Variants in GABRB3 observed in about 807,000 individuals in gnomAD.
GABRB3 encodes the protein gamma-aminobutyric acid receptor subunit beta-3.
Under a neutral mutation model 52.1 loss-of-function variants are expected in GABRB3, and 14 were observed. The observed-to-expected ratio is 0.27, with a 90% CI of 0.18 to 0.42. GABRB3 has a LOEUF of 0.42. Ranked by LOEUF, GABRB3 falls within the 10% of genes least tolerant of loss-of-function variation. The probability of loss-of-function intolerance (pLI) is 1.00; values close to 1 mark genes in which losing one functional copy is unlikely to be tolerated. For missense variants in GABRB3, 307 were observed against 609.1 expected, an observed-to-expected ratio of 0.50 and a Z score of 5.22; for synonymous variants, 260 against 232.3, an observed-to-expected ratio of 1.12 and a Z score of -1.08.
chr15:26,646,354 A>T (rs1887005279), intron 3 of GABRB3, among the ~76,000 whole-genome samples: 1 of 152,172 alleles, frequency 6.6e-6, no homozygotes, highest in African/African-American at 2.4e-5. Context: ...TTAGCATCAT[A>T]CTTTTGAGGT....
rs374000642 is a variant in GABRB3, at chr15:26,747,486, GAAT to G, written c.240+24913_240+24915del. 3.2e-3 allele frequency among the ~76,000 whole-genome samples: 484 copies of G among 152,234 alleles called. 4 individuals are homozygous for G. Among genetic ancestry groups the G allele is most frequent in the African/African-American group, 0.011 (457 of 41,548 alleles). On this transcript the variant is annotated intron_variant, in intron 3 of 8. Transcript: ENST00000311550. ...TACTTCATTTTCTTAGAGTGATTCT[GAAT>G]GTTATGTCTTTATTTTAATCTCAGT...
intron 8 of GABRB3, chr15:26,550,168 A>T (rs979628113): frequency 6.6e-6 from 1 of 152,218 alleles, no homozygotes; most frequent in African/African-American, 2.4e-5. Context: ...CAGGAGAAAA[A>T]GTCAGAGAGA....
intron 7 of GABRB3, among the ~76,000 whole-genome samples, chr15:26,566,573 A>C (rs556268870): frequency 1.2e-3 from 186 of 152,176 alleles, no homozygotes; most frequent in Admixed American, 2.5e-3. Flanking sequence ...AAAAAATTAA[A>C]AAATTAGCCA....
At chr15:26,645,350 G>C (rs911777151) in intron 3 of GABRB3, among the ~76,000 whole-genome samples, 2 of 152,200 alleles carry the variant, frequency 1.3e-5, no homozygotes, top group Admixed American at 6.5e-5. Context: ...CAAAGATAGT[G>C]ACTTGTTAAC....
chr15:26,752,599 T>C (rs943620843), intron 3 of GABRB3, among the ~76,000 whole-genome samples: 1 of 152,104 alleles, frequency 6.6e-6, no homozygotes, highest in Admixed American at 6.5e-5. Context: ...TGTGTATTCT[T>C]AATTTATGAA....
chr15:26,592,928 T>C (rs1455475860), intron 4 of GABRB3, among the ~76,000 whole-genome samples: 5 of 151,982 alleles, frequency 3.3e-5, no homozygotes, highest in Non-Finnish European at 7.4e-5. Flanking sequence ...GGCAGGAGAA[T>C]TGCTTGAACC....
At chr15:26,596,435 T>C (rs917961888) in intron 4 of GABRB3, among the ~76,000 whole-genome samples, 3 of 152,076 alleles carry the variant, frequency 2.0e-5, no homozygotes, top group Admixed American at 6.6e-5. Context: ...GCAGAAAACC[T>C]AGAGACCCAT....
At chr15:26,640,781 G>A (rs771354950) in intron 3 of GABRB3, among the ~76,000 whole-genome samples, 11 of 152,222 alleles carry the variant, frequency 7.2e-5, no homozygotes, top group South Asian at 2.1e-4. Flanking sequence ...TGATTACACA[G>A]CTTAGAGATA....
intron 7 of GABRB3, among the ~76,000 whole-genome samples, chr15:26,563,465 T>C (rs2140685392): frequency 6.6e-6 from 1 of 152,366 alleles, no homozygotes; most frequent in African/African-American, 2.4e-5. Flanking sequence ...TGGGGGATAC[T>C]GTGGATGGTG....
At chr15:26,767,038 C>T (rs1244814830) in intron 3 of GABRB3, 9 of 152,236 alleles carry the variant, frequency 5.9e-5, no homozygotes, top group Non-Finnish European at 1.5e-5. Flanking sequence ...TGTCTTCCAT[C>T]TCTGAAGTTC....
intron 3 of GABRB3, among the ~76,000 whole-genome samples, chr15:26,730,535 A>G (rs916003296): frequency 1.1e-4 from 16 of 152,124 alleles, no homozygotes; most frequent in African/African-American, 3.6e-4. Flanking sequence ...GAGAGAAAGA[A>G]GAGGAGCTGA....
intron 3 of GABRB3, chr15:26,642,287 C>T (rs907870343): frequency 8.4e-5 from 19 of 225,482 alleles, no homozygotes; most frequent in Non-Finnish European, 1.5e-4. Context: ...ATCAACTTTT[C>T]GTGTATGGTA....
At chr15:26,721,310 T>G (rs1042865812) in intron 3 of GABRB3, among the ~76,000 whole-genome samples, 3 of 152,084 alleles carry the variant, frequency 2.0e-5, no homozygotes, top group African/African-American at 4.8e-5. Flanking sequence ...GAAGGGAAAC[T>G]TGCATCTAAG....
chr15:26,554,275 C>T (rs192011390), intron 8 of GABRB3, among the ~76,000 whole-genome samples: 173 of 142,858 alleles, frequency 1.2e-3, no homozygotes, highest in African/African-American at 4.3e-3. Context: ...GTGATCCTCC[C>T]GCCTCCAACT....
rs149460307 is a variant in GABRB3, at chr15:26,749,444, T to C, written c.240+22958A>G. ...AGTTTGTTTAAGACTCATGGTATGG[T>C]TTATCTTCTGAAATGCTCTCTGGGC... On this transcript the variant is annotated intron_variant, in intron 3 of 8. Transcript: ENST00000311550. 5.3e-3 allele frequency among the ~76,000 whole-genome samples: 802 copies of C among 152,332 alleles called. 5 individuals are homozygous for C. Among genetic ancestry groups the C allele is most frequent in the African/African-American group, 0.018 (767 of 41,570 alleles).
At chr15:26,720,776 G>T (rs1889622954) in intron 3 of GABRB3, among the ~76,000 whole-genome samples, 1 of 152,166 alleles carries the variant, frequency 6.6e-6, no homozygotes, top group African/African-American at 2.4e-5. Context: ...AGGGAACCCG[G>T]AATCGAGGTT....
chr15:26,724,300 C>T (rs1393129543), intron 3 of GABRB3, among the ~76,000 whole-genome samples: 1 of 152,142 alleles, frequency 6.6e-6, no homozygotes, highest in Non-Finnish European at 1.5e-5. Context: ...AACCCCCAAC[C>T]AGTTGAATGA....
chr15:26,714,454 G>A (rs1212754145), intron 3 of GABRB3, among the ~76,000 whole-genome samples: 3 of 152,202 alleles, frequency 2.0e-5, no homozygotes, highest in Non-Finnish European at 4.4e-5. Flanking sequence ...AGGGAGACAT[G>A]AGACATCAAT....
intron 6 of GABRB3, 71 bp downstream of exon 6, chr15:26,580,248 C>T (rs2140730089): frequency 1.3e-6 from 2 of 1,581,354 alleles, no homozygotes; most frequent in Non-Finnish European, 8.7e-7. Context: ...TATGGCAGCA[C>T]ATTTTGTCAC....
Sources: gnomAD v4.1 joint callset for allele counts (sites outside exome capture counted in the v4.1 genomes callset) on GRCh38, gnomAD v4.1.1 for gene constraint, MANE v1.5 for transcripts, NCBI Gene and HGNC (gene_info 2026-07-23, HGNC 2026-07-21) for gene names.